AMPH: variants seen among roughly 807,000 people sequenced by gnomAD.
AMPH encodes the protein amphiphysin (Stiff-Mann syndrome with breast cancer 128kD autoantigen).
AMPH carries 49 observed loss-of-function variants against 99.1 expected under a neutral mutation model. The ratio of observed to expected loss-of-function variants is 0.49; its 90% CI spans 0.39 to 0.63. AMPH has a LOEUF of 0.63. AMPH is among the 20% of genes least tolerant of loss of function. AMPH has a pLI of 0.00. For missense variants in AMPH, 759 were observed against 863.4 expected (o/e 0.88, Z 1.52); for synonymous variants, 314 against 317.3 (o/e 0.99, Z 0.11).
At chr7:38,428,946 C>A (rs2128991953) in intron 14 of AMPH, 1 of 1,181,074 alleles carries the variant, frequency 8.5e-7, no homozygotes, top group Non-Finnish European at 1.1e-6. Context: ...GTCTTCCTTT[C>A]CTATGGTATT....
intron 1 of AMPH, among the ~76,000 whole-genome samples, chr7:38,571,939 C>T (rs1379531782): frequency 6.8e-6 from 1 of 147,904 alleles, no homozygotes; most frequent in Non-Finnish European, 1.5e-5. Context: ...GAGTTTTGCT[C>T]TTCTTGCCCA....
At chr7:38,514,114 A>G (rs1196066511) in intron 2 of AMPH, among the ~76,000 whole-genome samples, 3 of 152,256 alleles carry the variant, frequency 2.0e-5, no homozygotes, top group African/African-American at 7.2e-5. Flanking sequence ...AGACAGTATA[A>G]TCTACTTAGT....
chr7:38,575,234 G>C (rs770400792), intron 1 of AMPH, among the ~76,000 whole-genome samples: 3 of 151,918 alleles, frequency 2.0e-5, no homozygotes, highest in Non-Finnish European at 4.4e-5. Flanking sequence ...AAAATATTTA[G>C]TCTTATCTAT....
intron 5 of AMPH, among the ~76,000 whole-genome samples, chr7:38,484,768 C>T (rs7809200): frequency 0.15 from 22,642 of 151,608 alleles, 3,112 homozygotes; most frequent in African/African-American, 0.36. Flanking sequence ...GACAAAAACG[C>T]TAAGCATAAC....
At chr7:38,477,968 G>GA (rs1788148198) in intron 5 of AMPH, among the ~76,000 whole-genome samples, 1 of 152,102 alleles carries the variant, frequency 6.6e-6, no homozygotes, top group Non-Finnish European at 1.5e-5. Flanking sequence ...GTAGTGGACT[G>GA]CTCCAACTTG....
intron 7 of AMPH, among the ~76,000 whole-genome samples, chr7:38,468,456 A>G (rs1787750707): frequency 6.6e-6 from 1 of 152,246 alleles, no homozygotes; most frequent in African/African-American, 2.4e-5. Flanking sequence ...GTTTTCTGAT[A>G]TACAGCATAT....
intron 1 of AMPH, among the ~76,000 whole-genome samples, chr7:38,563,134 G>GATGA (rs10665097): frequency 0.59 from 88,983 of 150,426 alleles, 26,498 homozygotes; most frequent in Non-Finnish European, 0.63. Flanking sequence ...AGCACTGAAT[G>GATGA]ATGAATGAAT....
At chr7:38,463,991 C>T (rs1787554998) in intron 9 of AMPH, 3 of 1,175,932 alleles carry the variant, frequency 2.6e-6, no homozygotes, top group Non-Finnish European at 3.4e-6. Context: ...AGAACACAGA[C>T]ATGCCACATG....
At chr7:38,483,546 C>A (rs978435743) in intron 5 of AMPH, among the ~76,000 whole-genome samples, 1 of 152,090 alleles carries the variant, frequency 6.6e-6, no homozygotes, top group Non-Finnish European at 1.5e-5. Flanking sequence ...TGTCTCAGAG[C>A]ACTGAAATGA....
intron 6 of AMPH, 132 bp from the exon 7 acceptor site, chr7:38,475,548 AAGC>A: frequency 1.6e-6 from 1 of 608,624 alleles, no homozygotes; most frequent in Non-Finnish European, 2.8e-6. Context: ...ATTTGGTTAA[AAGC>A]ATATCCTTGT....
chr7:38,587,686 G>C (rs1792705623), intron 1 of AMPH, among the ~76,000 whole-genome samples: 1 of 152,072 alleles, frequency 6.6e-6, no homozygotes, highest in Admixed American at 6.5e-5. Flanking sequence ...CAAGAAGGTG[G>C]TGCAAGAATG....
intron 11 of AMPH, among the ~76,000 whole-genome samples, chr7:38,459,465 A>G (rs967444997): frequency 1.3e-5 from 2 of 152,160 alleles, no homozygotes; most frequent in Non-Finnish European, 2.9e-5. Context: ...GTCTATAGTA[A>G]CCAAAACAGC....
intron 1 of AMPH, among the ~76,000 whole-genome samples, chr7:38,593,982 G>A (rs1367819859): frequency 3.9e-5 from 6 of 152,170 alleles, no homozygotes; most frequent in East Asian, 3.9e-4. Context: ...GGGTTTACCC[G>A]GACAACATGG....
chr7:38,395,192 G>T (rs896440074), intron 17 of AMPH, among the ~76,000 whole-genome samples: 2 of 151,504 alleles, frequency 1.3e-5, no homozygotes, highest in Non-Finnish European at 2.9e-5. Flanking sequence ...ATCTTTGTGA[G>T]GAAGGTTCCA....
At chr7:38,429,316 C>T (rs929294072) in intron 14 of AMPH, 9 of 1,288,582 alleles carry the variant, frequency 7.0e-6, no homozygotes, top group Non-Finnish European at 9.1e-6. Context: ...TGCTCACTCT[C>T]TTCAGCTACA....
At chr7:38,542,866 C>T (rs1790857441) in intron 1 of AMPH, among the ~76,000 whole-genome samples, 1 of 152,084 alleles carries the variant, frequency 6.6e-6, no homozygotes, top group African/African-American at 2.4e-5. Context: ...GAGGCTGAGG[C>T]AGGCGGATCA....
At chr7:38,550,800 A>G (rs914435266) in intron 1 of AMPH, among the ~76,000 whole-genome samples, 1 of 152,164 alleles carries the variant, frequency 6.6e-6, no homozygotes, top group African/African-American at 2.4e-5. Flanking sequence ...GGTTGTTTGT[A>G]GTTTAATTTG....
intron 1 of AMPH, among the ~76,000 whole-genome samples, chr7:38,568,706 G>A (rs774766626): frequency 1.2e-4 from 19 of 152,148 alleles, no homozygotes; most frequent in Admixed American, 5.2e-4. Flanking sequence ...GCACAGAAGT[G>A]CAGGCAGTGC....
rs2129074447 is a variant in AMPH, at chr7:38,630,437, T to TG, written c.69+845dup. 2.0e-5 allele frequency among the ~76,000 whole-genome samples: 3 copies of TG among 152,182 alleles called. No individual in the cohort carries two copies. In the South Asian group the frequency reaches 6.2e-4, roughly 32 times the overall value. On this transcript the variant is annotated intron_variant, in intron 1 of 20. Coordinates refer to ENST00000356264, the MANE Select transcript of AMPH (RefSeq NM_001635.4). ...CCTGGGTTTCATTCATGCACGTCTC[T>TG]GGGGAAAAAAAATAAATTACTGTGC... is the stretch of plus-strand genomic sequence containing the variant.
Sources: allele counts gnomAD v4.1 joint callset (sites outside exome capture counted in the v4.1 genomes callset), GRCh38; gene constraint gnomAD v4.1.1; transcripts MANE v1.5; gene names NCBI Gene and HGNC (gene_info 2026-07-23, HGNC 2026-07-21).